Variants in TMEM150C observed in about 807,000 individuals in gnomAD.
The protein encoded by TMEM150C is tentonin 3.
A neutral mutation model predicts 29.9 loss-of-function variants in TMEM150C; 10 were observed. That is an observed-to-expected ratio of 0.33 (90% confidence interval 0.21 to 0.57). The LOEUF (loss-of-function observed/expected upper bound fraction) is 0.57. Ranked by LOEUF, TMEM150C falls within the 20% of genes least tolerant of loss-of-function variation. The pLI is 0.88. For missense variants in TMEM150C, 251 were observed against 303.6 expected, an observed-to-expected ratio of 0.83 and a Z score of 1.29; for synonymous variants, 101 against 112.5, an observed-to-expected ratio of 0.90 and a Z score of 0.64.
At chr4:82,548,056 C>CA (rs1460682354) in intron 1 of TMEM150C, among the ~76,000 whole-genome samples, 1 of 152,184 alleles carries the variant, frequency 6.6e-6, no homozygotes, top group Non-Finnish European at 1.5e-5. Flanking sequence ...TTTGCAACAA[C>CA]ATGGATACAG....
At chr4:82,513,869 C>G (rs974306056) in intron 1 of TMEM150C, among the ~76,000 whole-genome samples, 2 of 152,166 alleles carry the variant, frequency 1.3e-5, no homozygotes, top group Admixed American at 1.3e-4. Context: ...AGGCAGATAG[C>G]CCAAGTCTTG....
At chr4:82,511,807 C>T (rs901148869) in intron 1 of TMEM150C, among the ~76,000 whole-genome samples, 7 of 152,284 alleles carry the variant, frequency 4.6e-5, no homozygotes, top group African/African-American at 1.7e-4. Context: ...GAAGGAATTC[C>T]CTTCTACCAG....
chr4:82,491,721 T>G (rs888328254), intron 6 of TMEM150C: 2 of 374,962 alleles, frequency 5.3e-6, no homozygotes, highest in African/African-American at 4.2e-5. Context: ...AGACTGGTCA[T>G]GAACTTCTGA....
chr4:82,542,101 G>A (rs1578151779), intron 1 of TMEM150C, among the ~76,000 whole-genome samples: 1 of 152,156 alleles, frequency 6.6e-6, no homozygotes, highest in African/African-American at 2.4e-5. Flanking sequence ...CTTGGTCTGA[G>A]TCTTTAATGA....
At chr4:82,528,942 C>T (rs1236658576) in intron 1 of TMEM150C, among the ~76,000 whole-genome samples, 1 of 152,080 alleles carries the variant, frequency 6.6e-6, no homozygotes, top group Non-Finnish European at 1.5e-5. Context: ...GTACAGAAGG[C>T]AGGAGACAAC....
chr4:82,562,010 G>A (rs936433969), upstream of TMEM150C: 5 of 1,145,876 alleles, frequency 4.4e-6, no homozygotes, highest in African/African-American at 8.5e-5. Context: ...TTCAGGAAGG[G>A]GTGGGATCTG....
intron 1 of TMEM150C, among the ~76,000 whole-genome samples, chr4:82,528,945 G>C (rs1234291115): frequency 6.6e-6 from 1 of 152,088 alleles, no homozygotes; most frequent in Non-Finnish European, 1.5e-5. Flanking sequence ...CAGAAGGCAG[G>C]AGACAACCAG....
At chr4:82,501,224 C>T (rs530883928) in intron 5 of TMEM150C, among the ~76,000 whole-genome samples, 1 of 152,314 alleles carries the variant, frequency 6.6e-6, no homozygotes, top group South Asian at 2.1e-4. Context: ...TATAAAGCTC[C>T]TGGCAGCTCT....
intron 1 of TMEM150C, among the ~76,000 whole-genome samples, chr4:82,525,328 C>A (rs1386484497): frequency 1.3e-5 from 2 of 152,190 alleles, no homozygotes; most frequent in African/African-American, 4.8e-5. Context: ...AAAGTACATT[C>A]TGAGAATCTG....
chr4:82,552,477 A>C (rs1373862968), intron 1 of TMEM150C, among the ~76,000 whole-genome samples: 1 of 152,086 alleles, frequency 6.6e-6, no homozygotes, highest in Non-Finnish European at 1.5e-5. Flanking sequence ...TTTCCTGTTA[A>C]GCTAAGCTAG....
intron 1 of TMEM150C, among the ~76,000 whole-genome samples, chr4:82,549,385 T>C (rs1023361704): frequency 6.6e-6 from 1 of 152,206 alleles, no homozygotes; most frequent in Admixed American, 6.5e-5. Context: ...CTATACCATA[T>C]GATTCCACTT....
chr4:82,560,835 G>A (rs971823906), intron 1 of TMEM150C, among the ~76,000 whole-genome samples: 1 of 152,178 alleles, frequency 6.6e-6, no homozygotes, highest in African/African-American at 2.4e-5. Flanking sequence ...CTTTGTTATT[G>A]TTTTAGATCC....
intron 6 of TMEM150C, among the ~76,000 whole-genome samples, 153 bp from the exon 7 acceptor site, chr4:82,490,391 C>G (rs1394487294): frequency 6.6e-6 from 1 of 152,154 alleles, no homozygotes; most frequent in Admixed American, 6.5e-5. Flanking sequence ...TCGTTCTATT[C>G]TCAAATGGTT....
chr4:82,560,490 A>C (rs1409958348), intron 1 of TMEM150C, among the ~76,000 whole-genome samples: 2 of 152,252 alleles, frequency 1.3e-5, no homozygotes, highest in Admixed American at 1.3e-4. Context: ...CTTGAAGATT[A>C]AACTCACATT....
At chr4:82,532,783 C>CAGTG (rs1460077128) in intron 1 of TMEM150C, among the ~76,000 whole-genome samples, 1 of 150,780 alleles carries the variant, frequency 6.6e-6, no homozygotes, top group Non-Finnish European at 1.5e-5. Context: ...GGCTGGAGTG[C>CAGTG]AGTGGCACGA....
chr4:82,509,443 AATTTATT>A (rs1724046120), intron 1 of TMEM150C, among the ~76,000 whole-genome samples: 1 of 152,168 alleles, frequency 6.6e-6, no homozygotes, highest in African/African-American at 2.4e-5. Context: ...AGCCCATATT[AATTTATT>A]ATTTAAGACT....
Position 82,504,596 on chromosome 4 carries a change from G to A in TMEM150C, c.62C>T (p.Ser21Leu). 6.2e-7 allele frequency: 1 copy of A among 1,613,092 alleles called. No homozygotes were observed. The highest frequency in any genetic ancestry group is 1.6e-4 in the Middle Eastern group (1 of 6,062). ...FLPLVFTLFT[S>L]AGLWIVYFIA... ...TACTCACACTATCCACAATCCAGCT[G>A]AAGTAAACAAAGTAAATACAAGAGG... is the stretch of plus-strand genomic sequence containing the variant. The change falls in exon 2 of 8, where the codon TCA becomes TTA. Residue 21 changes from serine (S) to leucine (L), a missense_variant. By Grantham distance (145) the Ser-to-Leu change is moderately radical. Coordinates refer to ENST00000449862, the MANE Select transcript of TMEM150C (RefSeq NM_001080506.3).
intron 6 of TMEM150C, chr4:82,491,327 G>A: frequency 7.5e-6 from 5 of 663,018 alleles, no homozygotes; most frequent in Non-Finnish European, 1.4e-5. Context: ...TGTACCTGTG[G>A]GCTAGCTTAA....
chr4:82,504,909 A>C (rs535411739), intron 1 of TMEM150C, among the ~76,000 whole-genome samples: 2 of 152,294 alleles, frequency 1.3e-5, no homozygotes, highest in East Asian at 3.9e-4. Context: ...GGGCGCCTGT[A>C]GTCCCAGCTA....
Sources: gnomAD v4.1 joint callset for allele counts (sites outside exome capture counted in the v4.1 genomes callset) on GRCh38, gnomAD v4.1.1 for gene constraint, MANE v1.5 for transcripts, NCBI Gene and HGNC (gene_info 2026-07-23, HGNC 2026-07-21) for gene names.